Variants in EVC2 observed in about 807,000 individuals in gnomAD.
EVC2 encodes the protein EvC ciliary complex subunit 2.
Under a neutral mutation model 149.3 loss-of-function variants are expected in EVC2, and 148 were observed. The ratio of observed to expected loss-of-function variants is 0.99; its 90% confidence interval spans 0.87 to 1.14. The LOEUF (loss-of-function observed/expected upper bound fraction) is 1.14. Ranked by LOEUF, EVC2 falls within the 50% of genes most tolerant of loss-of-function variation. The pLI is 0.00. For synonymous variants in EVC2, 776 were observed against 649.9 expected, an observed-to-expected ratio of 1.19 and a Z score of -2.95; for missense variants, 1,854 against 1,627.3, an observed-to-expected ratio of 1.14 and a Z score of -2.40.
chr4:5,671,661 G>C (rs767098269), intron 7 of EVC2, among the ~76,000 whole-genome samples: 1 of 152,116 alleles, frequency 6.6e-6, no homozygotes, highest in Admixed American at 6.5e-5. Context: ...ACAGGCGCCT[G>C]CCACCATGCC....
intron 12 of EVC2, 93 bp downstream of exon 12, chr4:5,628,466 C>T: frequency 1.3e-6 from 2 of 1,498,968 alleles, no homozygotes; most frequent in Admixed American, 1.8e-5. Flanking sequence ...TATATCTCTT[C>T]TATTTATAAA....
intron 9 of EVC2, among the ~76,000 whole-genome samples, chr4:5,659,170 G>A (rs1230039606): frequency 1.3e-5 from 2 of 152,082 alleles, no homozygotes; most frequent in Admixed American, 1.3e-4. Context: ...TGAAATGAGG[G>A]GGCAATCAAG....
At chr4:5,692,054 C>T (rs1025825227) in intron 3 of EVC2, among the ~76,000 whole-genome samples, 4 of 152,230 alleles carry the variant, frequency 2.6e-5, no homozygotes, top group African/African-American at 9.6e-5. Flanking sequence ...CCTTGGCTCT[C>T]CTTGCTGTGA....
At chr4:5,611,643 CT>C (rs1170681142) in intron 16 of EVC2, among the ~76,000 whole-genome samples, 1 of 151,700 alleles carries the variant, frequency 6.6e-6, no homozygotes, top group Non-Finnish European at 1.5e-5. Flanking sequence ...ATATAAAGCA[CT>C]GAAAATGTCT....
intron 10 of EVC2, among the ~76,000 whole-genome samples, chr4:5,635,995 C>T (rs1716867970): frequency 6.6e-6 from 1 of 152,240 alleles, no homozygotes; most frequent in Non-Finnish European, 1.5e-5. Flanking sequence ...AAATTACATT[C>T]AGTTATGAAT....
At position 5,689,219 on chromosome 4, in the gene EVC2, C is replaced by T. The variant is rs1720937470; in HGVS notation, c.644G>A (p.Trp215Ter). 1.2e-6 allele frequency: 2 copies of T among 1,614,066 alleles called. No homozygotes were observed. The highest frequency in any genetic ancestry group is 2.7e-5 in the African/African-American group (2 of 74,918). Residue 215 changes from tryptophan (W) to a stop codon, truncating the protein, a stop_gained, in exon 5 of 22, where the codon TGG (tryptophan) becomes TAG (stop). Transcript: ENST00000344408. LOFTEE classifies it high-confidence loss of function. ...CGAGGTCCTGTTTCCCACAGAGTCCCAAATGGTGAGACCAGCAATGCTGTC... is the reference window on the plus strand; with the variant it reads ...CGAGGTCCTGTTTCCCACAGAGTCCTAAATGGTGAGACCAGCAATGCTGTC... Reference protein sequence around the residue: ...LLDSIAGLTIWDSVGNRTSEG... With the variant: ...LLDSIAGLTI
chr4:5,541,308 A>G (rs1452069821), downstream of EVC2, among the ~76,000 whole-genome samples: 4 of 152,178 alleles, frequency 2.6e-5, no homozygotes, highest in Non-Finnish European at 5.9e-5. Context: ...TGGAGCTGAC[A>G]GTCCAGCGCC....
chr4:5,664,969 G>A (rs1295277143), intron 8 of EVC2, among the ~76,000 whole-genome samples: 5 of 151,088 alleles, frequency 3.3e-5, no homozygotes, highest in African/African-American at 1.2e-4. Flanking sequence ...GTGATGGGGT[G>A]CGTGTGGGTG....
chr4:5,685,566 C>A, intron 5 of EVC2, 87 bp from the exon 6 acceptor site: 1 of 1,138,394 alleles, frequency 8.8e-7, no homozygotes, highest in Non-Finnish European at 1.3e-6. Flanking sequence ...CATCCTGGCC[C>A]CTGGCTTCAG....
rs1387980059 is a variant in EVC2, at chr4:5,614,856, A to C, written c.2829+566T>G. ...AGCAGGTGTGATGGTGGGTGCCTGT[A>C]ATCCCAGCTACTCGGAAGGGTGAGG... On this transcript the variant is annotated intron_variant, in intron 16 of 21. Transcript: ENST00000344408. The surrounding 1 kb of genome is among the most constrained non-coding windows in gnomAD (Gnocchi z 4.7). 2.0e-5 allele frequency among the ~76,000 whole-genome samples: 3 copies of C among 152,100 alleles called. No individual in the cohort carries two copies. Among genetic ancestry groups the C allele is most frequent in the Non-Finnish European group, 4.4e-5 (3 of 68,020 alleles).
intron 1 of EVC2, among the ~76,000 whole-genome samples, chr4:5,699,913 G>C (rs897277578): frequency 6.6e-5 from 10 of 152,274 alleles, no homozygotes; most frequent in African/African-American, 2.4e-4. Flanking sequence ...GGCCAAGGTA[G>C]GCTGATCACT....
At chr4:5,664,671 G>A (rs932000604) in intron 8 of EVC2, among the ~76,000 whole-genome samples, 1 of 152,150 alleles carries the variant, frequency 6.6e-6, no homozygotes, top group African/African-American at 2.4e-5. Context: ...CACCCAGGCT[G>A]GGGTGGAATT....
At chr4:5,572,907 G>A (rs957331195) in intron 19 of EVC2, among the ~76,000 whole-genome samples, 3 of 152,210 alleles carry the variant, frequency 2.0e-5, no homozygotes, top group Admixed American at 6.5e-5. Flanking sequence ...GAAGAGCAGA[G>A]TATGTGCATC....
rs1349968576 is a variant in EVC2, at chr4:5,686,615, C to A, written c.707-1136G>T. ...AGAGACAGTGACTGGCTTAGGATCA[C>A]CCCGCTGATGGACAGGGAGCCACCT... On this transcript the variant is annotated intron_variant, in intron 5 of 21. Coordinates refer to ENST00000344408, the MANE Select transcript of EVC2 (RefSeq NM_147127.5). The surrounding 1 kb of genome is among the most constrained non-coding windows in gnomAD (Gnocchi z 5.4). 1.3e-5 allele frequency among the ~76,000 whole-genome samples: 2 copies of A among 152,112 alleles called. No individual in the cohort carries two copies. The highest frequency in any genetic ancestry group is 2.4e-5 in the African/African-American group (1 of 41,422).
intron 21 of EVC2, among the ~76,000 whole-genome samples, chr4:5,547,033 G>A (rs184476019): frequency 8.5e-5 from 13 of 152,314 alleles, no homozygotes; most frequent in Non-Finnish European, 1.9e-4. Flanking sequence ...CCAAACCACA[G>A]CTGCAGACTC....
chr4:5,593,385 A>T (rs1713019303), intron 16 of EVC2, among the ~76,000 whole-genome samples: 1 of 152,004 alleles, frequency 6.6e-6, no homozygotes, highest in South Asian at 2.1e-4. Context: ...CTGTTTGAAA[A>T]CTTGCCTCAG....
Position 5,572,948 on chromosome 4 carries a change from C to T in EVC2, c.3360+1737G>A, listed in dbSNP as rs545537844. 1.0e-3 allele frequency among the ~76,000 whole-genome samples: 155 copies of T among 152,180 alleles called. 1 individual carries two copies. The highest frequency in any genetic ancestry group is 7.2e-4 in the Admixed American group (11 of 15,278). On this transcript the variant is annotated intron_variant, in intron 19 of 21. Transcript: ENST00000344408. ...GCTGGGCTGAATCCCAAGCCCCCCACGAGCAGTGGCGGGCCCTCATGCCCT... is the reference window on the plus strand; with the variant it reads ...GCTGGGCTGAATCCCAAGCCCCCCATGAGCAGTGGCGGGCCCTCATGCCCT...
At chr4:5,560,980 C>T (rs954920367), downstream of EVC2, among the ~76,000 whole-genome samples, 1 of 152,168 alleles carries the variant, frequency 6.6e-6, no homozygotes, top group Non-Finnish European at 1.5e-5. This position sits in a 1 kb window ranked among gnomAD's most constrained non-coding sequence, Gnocchi z 4.1. Flanking sequence ...CTTTCTCTGT[C>T]TATTAACATA....
chr4:5,698,943 C>T (rs994518517), intron 1 of EVC2, among the ~76,000 whole-genome samples: 6 of 152,208 alleles, frequency 3.9e-5, no homozygotes, highest in African/African-American at 1.4e-4. Flanking sequence ...CCAGACACCA[C>T]GGAAACCATA....
Sources: gnomAD v4.1 joint callset for allele counts (sites outside exome capture counted in the v4.1 genomes callset) on GRCh38, gnomAD v4.1.1 for gene constraint, Gnocchi (gnomAD v3.1) non-coding constraint, MANE v1.5 for transcripts, NCBI Gene and HGNC (gene_info 2026-07-23, HGNC 2026-07-21) for gene names.